The following RBFOX1 variants were observed in gnomAD, a reference collection of about 807,000 sequenced individuals.
The protein encoded by RBFOX1 is RNA binding fox-1 homolog 1.
In RBFOX1, 8 loss-of-function variants were observed where a neutral mutation model predicts 57.7. The observed-to-expected ratio is 0.14, with a 90% CI of 0.08 to 0.25. The LOEUF is 0.25. RBFOX1 is among the 10% of genes least tolerant of loss of function. The pLI, the probability that RBFOX1 is intolerant of heterozygous loss-of-function variation, is 1.00. For missense variants in RBFOX1, 611 were observed against 548.5 expected (o/e 1.11, Z -1.14); for synonymous variants, 326 against 222.4 (o/e 1.47, Z -4.15).
At chr16:5,658,366 G>C (rs1044507432) in intron 3 of RBFOX1, among the ~76,000 whole-genome samples, 3 of 152,148 alleles carry the variant, frequency 2.0e-5, no homozygotes, top group African/African-American at 7.2e-5. Flanking sequence ...GACCCAGGCT[G>C]TCCTTCCTGA....
intron 4 of RBFOX1, among the ~76,000 whole-genome samples, chr16:7,517,336 G>A (rs757861903): frequency 2.0e-5 from 3 of 152,028 alleles, no homozygotes; most frequent in Non-Finnish European, 4.4e-5. Flanking sequence ...TAGATCTGAA[G>A]AATGAATTGT....
chr16:7,357,979 G>C (rs181915035), intron 4 of RBFOX1, among the ~76,000 whole-genome samples: 9 of 152,176 alleles, frequency 5.9e-5, no homozygotes, highest in Admixed American at 3.3e-4. Context: ...ACTTTCATCT[G>C]CCTGAGAATC....
chr16:7,224,880 C>G (rs569209722), intron 4 of RBFOX1, among the ~76,000 whole-genome samples: 1 of 152,152 alleles, frequency 6.6e-6, no homozygotes, highest in Admixed American at 6.5e-5. Flanking sequence ...TTTACCACGA[C>G]TTCCAGGTGA....
intron 4 of RBFOX1, among the ~76,000 whole-genome samples, chr16:5,959,559 C>A (rs1204948622): frequency 3.3e-5 from 5 of 152,100 alleles, no homozygotes; most frequent in East Asian, 3.9e-4. Context: ...AACAGAATTT[C>A]TTTATTTAAG....
intron 1 of RBFOX1, among the ~76,000 whole-genome samples, chr16:6,060,397 A>G (rs145674183): frequency 2.5e-4 from 38 of 152,248 alleles, no homozygotes; most frequent in African/African-American, 9.1e-4. Flanking sequence ...TGCCTAGCAC[A>G]CAGTAAATGT....
At chr16:5,847,159 C>G (rs1317447069) in intron 3 of RBFOX1, among the ~76,000 whole-genome samples, 2 of 152,222 alleles carry the variant, frequency 1.3e-5, no homozygotes, top group Admixed American at 6.5e-5. Flanking sequence ...TTTGGTGACT[C>G]CAGGAACTTG....
chr16:5,836,909 T>G (rs73515294), intron 3 of RBFOX1, among the ~76,000 whole-genome samples: 2,423 of 152,280 alleles, frequency 0.016, 73 homozygotes, highest in African/African-American at 0.054. Context: ...CTGACTTGTT[T>G]CCTGGTCTCC....
chr16:6,795,497 T>C (rs1338833433), intron 3 of RBFOX1, among the ~76,000 whole-genome samples: 1 of 152,068 alleles, frequency 6.6e-6, no homozygotes, highest in Non-Finnish European at 1.5e-5. Context: ...GCTGCGCACG[T>C]TGGCTCACGT....
intron 1 of RBFOX1, among the ~76,000 whole-genome samples, chr16:5,340,840 C>T (rs372774962): frequency 7.9e-5 from 12 of 152,240 alleles, no homozygotes; most frequent in African/African-American, 2.9e-4. Flanking sequence ...ACAAGCACAA[C>T]AGACAAGTCC....
chr16:7,304,107 G>GC, intron 4 of RBFOX1: 1 of 686,050 alleles, frequency 1.5e-6, no homozygotes, highest in Non-Finnish European at 1.8e-6. Context: ...GCAGAGGAAC[G>GC]CCGGGATCTA....
chr16:5,512,861 A>G (rs1294495104), intron 2 of RBFOX1, among the ~76,000 whole-genome samples: 2 of 152,130 alleles, frequency 1.3e-5, no homozygotes, highest in African/African-American at 4.8e-5. Flanking sequence ...CCAGGACACA[A>G]CATTACATTG....
At chr16:7,546,291 C>A (rs572334190) in intron 5 of RBFOX1, among the ~76,000 whole-genome samples, 1 of 151,806 alleles carries the variant, frequency 6.6e-6, no homozygotes, top group African/African-American at 2.4e-5. Context: ...CACACCACTG[C>A]ACTCTAGCCT....
chr16:7,629,679 G>T (rs1332120299), intron 10 of RBFOX1, among the ~76,000 whole-genome samples: 1 of 152,302 alleles, frequency 6.6e-6, no homozygotes, highest in South Asian at 2.1e-4. Context: ...CCCTGGAGTG[G>T]GTGGTTGTTC....
At chr16:6,886,207 G>T (rs938834554) in intron 3 of RBFOX1, among the ~76,000 whole-genome samples, 2 of 151,822 alleles carry the variant, frequency 1.3e-5, no homozygotes, top group African/African-American at 4.8e-5. Context: ...GATTACAGGC[G>T]TGTGCTACCA....
At chr16:6,675,741 A>T (rs2057524484) in intron 3 of RBFOX1, among the ~76,000 whole-genome samples, 1 of 152,286 alleles carries the variant, frequency 6.6e-6, no homozygotes, top group African/African-American at 2.4e-5. Context: ...CCCTTTATGA[A>T]ACCATCAGAT....
At chr16:5,744,904 C>T (rs533659620) in intron 3 of RBFOX1, among the ~76,000 whole-genome samples, 2 of 152,222 alleles carry the variant, frequency 1.3e-5, no homozygotes, top group South Asian at 2.1e-4. Flanking sequence ...CCCAAAGTAG[C>T]GGGGATTACA....
At chr16:5,938,064 C>G (rs908941815) in intron 4 of RBFOX1, among the ~76,000 whole-genome samples, 1 of 151,982 alleles carries the variant, frequency 6.6e-6, no homozygotes, top group Non-Finnish European at 1.5e-5. Flanking sequence ...TTATTTTTTG[C>G]TAACATTCTG....
intron 4 of RBFOX1, among the ~76,000 whole-genome samples, chr16:7,157,174 G>C (rs1344579722): frequency 6.6e-6 from 1 of 152,162 alleles, no homozygotes; most frequent in Non-Finnish European, 1.5e-5. Flanking sequence ...CCTGAGCATC[G>C]TTTCAGCCTT....
intron 4 of RBFOX1, among the ~76,000 whole-genome samples, chr16:7,191,797 A>C (rs897248433): frequency 6.6e-6 from 1 of 152,240 alleles, no homozygotes; most frequent in African/African-American, 2.4e-5. Flanking sequence ...GTGGTGGACA[A>C]CTGTAAGCAT....
Sources: allele counts gnomAD v4.1 joint callset (sites outside exome capture counted in the v4.1 genomes callset), GRCh38; gene constraint gnomAD v4.1.1; transcripts MANE v1.5; gene names NCBI Gene and HGNC (gene_info 2026-07-23, HGNC 2026-07-21).